The following CFAP300 variants were observed in gnomAD, a reference collection of about 807,000 sequenced individuals.
The protein encoded by CFAP300 is cilia- and flagella-associated protein 300.
Under a neutral mutation model 33.0 loss-of-function variants are expected in CFAP300, and 32 were observed. The observed-to-expected ratio is 0.97, with a 90% CI of 0.73 to 1.30. CFAP300 has a LOEUF of 1.30. Among genes scored for constraint, CFAP300 ranks in the 50% most tolerant of loss-of-function variants. The pLI is 0.00. For synonymous variants in CFAP300, 102 were observed against 106.8 expected, an observed-to-expected ratio of 0.95 and a Z score of 0.28; for missense variants, 356 against 318.1, an observed-to-expected ratio of 1.12 and a Z score of -0.90.
intron 4 of CFAP300, among the ~76,000 whole-genome samples, chr11:102,067,349 C>G (rs919831479): frequency 6.6e-6 from 1 of 152,100 alleles, no homozygotes; most frequent in African/African-American, 2.4e-5. Flanking sequence ...CAGAGCAAGA[C>G]CTTGTCTCAA....
Position 102,066,631 on chromosome 11 carries a change from A to T in CFAP300, c.415A>T (p.Ile139Phe). 1 of 1,607,018 alleles carries T rather than the reference A, an allele frequency of 6.2e-7. No homozygotes were observed. Among genetic ancestry groups the T allele is most frequent in the Non-Finnish European group, 8.5e-7 (1 of 1,178,460 alleles). ...AGATTCTTTTTGTGATCCATTTCTC[A>T]TTTCTGATGAGTTACGAAGAGTAAG... ...CLDSFCDPFL[I>F]SDELRRVLLV... The change falls in exon 4 of 7, where the codon ATT becomes TTT. Residue 139 changes from isoleucine to phenylalanine, a missense_variant. Transcript: ENST00000434758.
chr11:102,063,379 A>G (rs551506599), intron 3 of CFAP300, among the ~76,000 whole-genome samples: 3 of 152,322 alleles, frequency 2.0e-5, no homozygotes, highest in African/African-American at 7.2e-5. Flanking sequence ...TGTCCCACCT[A>G]TGTATTTTGG....
intron 1 of CFAP300, 67 bp downstream of exon 1, chr11:102,047,647 G>A: frequency 2.0e-6 from 3 of 1,488,262 alleles, no homozygotes; most frequent in South Asian, 1.2e-5. Flanking sequence ...CGCAGGCCGG[G>A]CGTCGAGGGG....
At chr11:102,063,842 G>A (rs1942186307) in intron 3 of CFAP300, among the ~76,000 whole-genome samples, 1 of 152,146 alleles carries the variant, frequency 6.6e-6, no homozygotes, top group Admixed American at 6.5e-5. Context: ...AAAAAAGTTT[G>A]TGGGGCTGTT....
At chr11:102,071,956 CAAG>C (rs934874127) in intron 4 of CFAP300, among the ~76,000 whole-genome samples, 11 of 152,100 alleles carry the variant, frequency 7.2e-5, no homozygotes, top group Non-Finnish European at 1.3e-4. Flanking sequence ...AATGTGCCTT[CAAG>C]AAGACCTTTT....
chr11:102,062,903 A>G (rs946098929), intron 3 of CFAP300, among the ~76,000 whole-genome samples: 1 of 152,232 alleles, frequency 6.6e-6, no homozygotes, highest in Non-Finnish European at 1.5e-5. Flanking sequence ...CAATGAGATG[A>G]GATGAAGGAA....
chr11:102,047,850 G>C lies in CFAP300; in HGVS notation c.146G>C (p.Gly49Ala). The C allele has an allele frequency of 6.2e-7, 1 of 1,614,230 alleles. No homozygotes were observed. The highest frequency in any genetic ancestry group is 8.5e-7 in the Non-Finnish European group (1 of 1,180,038). The part of the protein sequence containing the change: ...MLGRIKAQAF[G>A]FDQTFQSYRK... ...GGCAGAATCAAGGCGCAGGCGTTCG[G>C]CTTTGACCAGACCTTTCAGTCCTAT... The change falls in exon 2 of 7, where the codon GGC becomes GCC. Residue 49 changes from glycine (G) to alanine (A), a missense_variant. By Grantham distance (60) the Gly-to-Ala change is moderately conservative. Coordinates refer to ENST00000434758, the MANE Select transcript of CFAP300 (RefSeq NM_032930.3).
chr11:102,067,268 G>T (rs963565491), intron 4 of CFAP300, among the ~76,000 whole-genome samples: 10 of 152,184 alleles, frequency 6.6e-5, no homozygotes, highest in Non-Finnish European at 1.2e-4. Flanking sequence ...AGGCTGAAGT[G>T]AGAAGATTGA....
chr11:102,071,340 G>A (rs1942310278), intron 4 of CFAP300, among the ~76,000 whole-genome samples: 1 of 151,976 alleles, frequency 6.6e-6, no homozygotes, highest in Non-Finnish European at 1.5e-5. Flanking sequence ...GTTTGCTATG[G>A]GCAACATATA....
In CFAP300 at chr11:102,083,055, G is replaced by T. The variant is rs575796484; in HGVS notation, c.676-16G>T. 5 of 1,327,224 alleles carry T rather than the reference G, an allele frequency of 3.8e-6. No individual in the cohort carries two copies. The highest frequency in any genetic ancestry group is 3.9e-6 in the Non-Finnish European group (4 of 1,013,528). 82.2% of individuals were successfully genotyped at this position (1,327,224 alleles called of 1,614,324 possible). A position where few individuals can be genotyped will look rare whatever the true frequency, so the allele number is the denominator to read the frequency against. On this transcript the variant is annotated splice_polypyrimidine_tract_variant and intron_variant, in intron 6 of 6. Transcript: ENST00000434758. ...AATAAAATAAAATAATAATAATTTA[G>T]GTTTGTCTTTTTCAGGATTCTGCTG...
intron 5 of CFAP300, among the ~76,000 whole-genome samples, chr11:102,079,983 T>C (rs1184143031): frequency 1.3e-5 from 2 of 152,136 alleles, no homozygotes; most frequent in Non-Finnish European, 2.9e-5. Context: ...AGGTCATGTA[T>C]ATAAGGGTAT....
chr11:102,053,228 C>CA (rs954559423), intron 2 of CFAP300, among the ~76,000 whole-genome samples: 15 of 145,264 alleles, frequency 1.0e-4, no homozygotes, highest in South Asian at 4.4e-4. Context: ...AACTCCTTCT[C>CA]AAAAAAAAAT....
intron 2 of CFAP300, among the ~76,000 whole-genome samples, chr11:102,048,292 G>C (rs113067006): frequency 3.3e-5 from 5 of 152,096 alleles, no homozygotes; most frequent in African/African-American, 1.2e-4. Flanking sequence ...ATAAAGTGCA[G>C]TAGCACCATC....
At position 102,083,305 on chromosome 11, in the gene CFAP300, G is replaced by A. The variant is rs2135055695; in HGVS notation, c.*106G>A. On this transcript the variant is annotated 3_prime_UTR_variant, in exon 7 of 7. Transcript: ENST00000434758. ...CTTTGCAAATTAATTCAAGAAAAAT[G>A]TAAGGAGCCTACTTAGAGCAGAAGA... 3.3e-6 allele frequency: 3 copies of A among 922,948 alleles called. No homozygotes were observed. The highest frequency in any genetic ancestry group is 3.6e-5 in the East Asian group (1 of 27,926). The allele number at this position is 922,948 out of a possible 1,614,324, so 57.2% of individuals were successfully genotyped here.
At chr11:102,062,588 C>A (rs983300947) in intron 3 of CFAP300, among the ~76,000 whole-genome samples, 7 of 152,032 alleles carry the variant, frequency 4.6e-5, no homozygotes, top group Non-Finnish European at 1.0e-4. Flanking sequence ...ATTTAGCTGA[C>A]GAGATTTCTA....
In CFAP300 at chr11:102,083,158, C is replaced by G; in HGVS notation, c.763C>G (p.His255Asp). Reference sequence around the variant, plus strand: ...TGTGGATCCTATCAGGCGTCACCTTCATGTTTTATACCACTGTTATGGTGT... The same window carrying G: ...TGTGGATCCTATCAGGCGTCACCTTGATGTTTTATACCACTGTTATGGTGT... ...FIVDPIRRHL[H>D]VLYHCYGVGD... Residue 255 changes from histidine to aspartate, a missense_variant, in exon 7 of 7, where the codon CAT becomes GAT. His to Asp is a moderately conservative substitution (Grantham distance 81, BLOSUM62 -1). Coordinates refer to ENST00000434758, the MANE Select transcript of CFAP300 (RefSeq NM_032930.3). 6.4e-7 allele frequency: 1 copy of G among 1,560,448 alleles called. No individual in the cohort carries two copies.
At chr11:102,055,668 A>G (rs1251640425) in intron 2 of CFAP300, among the ~76,000 whole-genome samples, 1 of 102,024 alleles carries the variant, frequency 9.8e-6, no homozygotes, top group Admixed American at 1.1e-4. Context: ...CTCCTAAACT[A>G]CCCTTTTTTT....
At chr11:102,057,624 A>G (rs961048086) in intron 2 of CFAP300, among the ~76,000 whole-genome samples, 1 of 152,236 alleles carries the variant, frequency 6.6e-6, no homozygotes, top group Non-Finnish European at 1.5e-5. Flanking sequence ...TGGGAAGTCC[A>G]AGTGAAACCT....
chr11:102,068,016 A>T (rs1485954317), intron 4 of CFAP300, among the ~76,000 whole-genome samples: 1 of 152,236 alleles, frequency 6.6e-6, no homozygotes, highest in Admixed American at 6.5e-5. Flanking sequence ...CATATGTTCA[A>T]ATCCAGTCTT....
Sources: gnomAD v4.1 joint callset for allele counts (sites outside exome capture counted in the v4.1 genomes callset) on GRCh38, gnomAD v4.1.1 for gene constraint, MANE v1.5 for transcripts, NCBI Gene and HGNC (gene_info 2026-07-23, HGNC 2026-07-21) for gene names.